TSNARE1: variants seen among roughly 807,000 people sequenced by gnomAD.
TSNARE1 encodes the protein t-SNARE domain-containing protein 1.
TSNARE1 carries 49 observed loss-of-function variants against 62.0 expected under a neutral mutation model. The ratio of observed to expected loss-of-function variants is 0.79; its 90% CI spans 0.63 to 1.00. TSNARE1 has a LOEUF of 1.00. Ranked by LOEUF, TSNARE1 falls within the 50% of genes least tolerant of loss-of-function variation. The pLI is 0.00. For synonymous variants in TSNARE1, 328 were observed against 294.4 expected, an observed-to-expected ratio of 1.11 and a Z score of -1.17; for missense variants, 755 against 700.1, an observed-to-expected ratio of 1.08 and a Z score of -0.88.
intron 9 of TSNARE1, among the ~76,000 whole-genome samples, chr8:142,301,664 G>A (rs1339817903): frequency 1.3e-5 from 2 of 152,248 alleles, no homozygotes; most frequent in African/African-American, 4.8e-5. Flanking sequence ...GTGACATTGT[G>A]TGTGTGTGAG....
intron 6 of TSNARE1, among the ~76,000 whole-genome samples, chr8:142,325,479 C>A (rs989593478): frequency 2.8e-4 from 43 of 152,176 alleles, no homozygotes; most frequent in Non-Finnish European, 5.6e-4. Flanking sequence ...CAAGGCCGGG[C>A]CTGGACCAGG....
At chr8:142,401,050 G>A (rs1376723487) in intron 1 of TSNARE1, among the ~76,000 whole-genome samples, 8 of 152,186 alleles carry the variant, frequency 5.3e-5, no homozygotes, top group African/African-American at 1.9e-4. Flanking sequence ...GCTTGGTACA[G>A]CCATGGTCGA....
intron 12 of TSNARE1, among the ~76,000 whole-genome samples, chr8:142,262,894 C>G (rs1387571109): frequency 6.6e-6 from 1 of 152,232 alleles, no homozygotes; most frequent in African/African-American, 2.4e-5. Context: ...GACTAACACA[C>G]TTATTGACTA....
chr8:142,329,595 A>G (rs1374790496), intron 6 of TSNARE1, among the ~76,000 whole-genome samples: 5 of 152,182 alleles, frequency 3.3e-5, no homozygotes. Context: ...ATCTGCATCA[A>G]CAGGGCCCTC....
At position 142,303,648 on chromosome 8, in the gene TSNARE1, A is replaced by C. The variant is rs1004279976; in HGVS notation, c.1132-3004T>G. ...CAGATGAACCCCGGCTGGACACCGA[A>C]CCAGTGGATCTACAAACAAGCACTT... On this transcript the variant is annotated intron_variant, in intron 9 of 13. Transcript: ENST00000524325. Among the ~76,000 whole-genome samples, 10 of 152,324 alleles carry C rather than the reference A, an allele frequency of 6.6e-5. No individual in the cohort carries two copies. In the East Asian group the frequency reaches 1.2e-3, roughly 18 times the overall value.
At chr8:142,305,658 A>AAGC (rs1563874142) in intron 9 of TSNARE1, among the ~76,000 whole-genome samples, 1 of 152,164 alleles carries the variant, frequency 6.6e-6, no homozygotes, top group Non-Finnish European at 1.5e-5. Flanking sequence ...AAGGCTCACA[A>AAGC]AGCGCTCCTT....
At chr8:142,365,479 T>C (rs74425736) in intron 1 of TSNARE1, among the ~76,000 whole-genome samples, 1,548 of 152,330 alleles carry the variant, frequency 0.01, 22 homozygotes, top group African/African-American at 0.035. Flanking sequence ...TCCATGTCAA[T>C]GTCCTGATCT....
chr8:142,242,947 CAAAAAAA>C (rs35092120), intron 12 of TSNARE1, among the ~76,000 whole-genome samples: 1 of 51,390 alleles, frequency 1.9e-5, no homozygotes, highest in South Asian at 9.4e-4. Context: ...AACTCTGTCT[CAAAAAAA>C]AAAAAAAAAA....
chr8:142,382,061 C>T lies in TSNARE1; in HGVS notation c.-40+21043G>A, dbSNP rs539594663. 5.9e-5 allele frequency among the ~76,000 whole-genome samples: 9 copies of T among 152,306 alleles called. No homozygotes were observed. The South Asian group carries it at 8.3e-4, about 14-fold the overall frequency. ...GGAGGCCTGGCCGTTCCCAGGCCCA[C>T]GCGCCCCTGCCAGCATCAGCCCTGT... On this transcript the variant is annotated intron_variant, in intron 1 of 13. Transcript: ENST00000524325.
chr8:142,276,279 GCTCT>G (rs1820474614), intron 11 of TSNARE1: 4 of 985,414 alleles, frequency 4.1e-6, no homozygotes, highest in South Asian at 4.7e-5. Context: ...ACTGAACTCT[GCTCT>G]CTATGTCCTG....
intron 12 of TSNARE1, among the ~76,000 whole-genome samples, chr8:142,251,476 G>T (rs956683994): frequency 3.3e-5 from 5 of 152,052 alleles, no homozygotes; most frequent in Non-Finnish European, 7.4e-5. Flanking sequence ...GTGGGCCCAC[G>T]AGCAGCTCAG....
intron 11 of TSNARE1, chr8:142,278,314 G>A (rs957279897): frequency 4.1e-6 from 4 of 985,324 alleles, no homozygotes; most frequent in Non-Finnish European, 4.8e-6. Flanking sequence ...GGATGCCCCA[G>A]CGCTCCAAGT....
intron 12 of TSNARE1, chr8:142,272,846 C>T: frequency 1.0e-6 from 1 of 984,156 alleles, no homozygotes. Context: ...ACATTCTATG[C>T]AGAGGCAACT....
chr8:142,260,973 G>GGAGA (rs1355409293), intron 12 of TSNARE1, among the ~76,000 whole-genome samples: 61 of 18,054 alleles, frequency 3.4e-3, no homozygotes, highest in East Asian at 6.9e-3. Flanking sequence ...AGTCAGGGAG[G>GGAGA]GAGGGAGGGA....
intron 2 of TSNARE1, among the ~76,000 whole-genome samples, chr8:142,353,475 T>G (rs1834367312): frequency 6.6e-6 from 1 of 152,068 alleles, no homozygotes; most frequent in Admixed American, 6.5e-5. Flanking sequence ...TGTGAGGCGC[T>G]AAGTGGTGAT....
intron 6 of TSNARE1, among the ~76,000 whole-genome samples, chr8:142,329,431 G>A (rs1311421363): frequency 6.6e-6 from 1 of 152,250 alleles, no homozygotes; most frequent in Non-Finnish European, 1.5e-5. Flanking sequence ...ATGAGGGCCA[G>A]GGTCCGGACG....
At chr8:142,357,275 G>A (rs1834821152) in intron 1 of TSNARE1, among the ~76,000 whole-genome samples, 1 of 152,250 alleles carries the variant, frequency 6.6e-6, no homozygotes, top group South Asian at 2.1e-4. Context: ...GGTGAGGGCT[G>A]CTGCACAGGC....
At chr8:142,375,590 C>G (rs1377855088) in intron 1 of TSNARE1, among the ~76,000 whole-genome samples, 4 of 152,238 alleles carry the variant, frequency 2.6e-5, no homozygotes, top group Admixed American at 1.3e-4. Context: ...CGGTGCACCT[C>G]CCGGTGAAGT....
At chr8:142,337,322 T>A (rs1831885725) in intron 4 of TSNARE1, among the ~76,000 whole-genome samples, 1 of 152,190 alleles carries the variant, frequency 6.6e-6, no homozygotes, top group African/African-American at 2.4e-5. Context: ...GCAATTCAAC[T>A]TGCAGGTAAT....
Sources: gnomAD v4.1 joint callset for allele counts (sites outside exome capture counted in the v4.1 genomes callset) on GRCh38, gnomAD v4.1.1 for gene constraint, MANE v1.5 for transcripts, NCBI Gene and HGNC (gene_info 2026-07-23, HGNC 2026-07-21) for gene names.